Variants in RANBP3 observed in about 807,000 individuals in gnomAD.
RANBP3 encodes ran-binding protein 3.
Under a neutral mutation model 77.3 loss-of-function variants are expected in RANBP3, and 14 were observed. That is an observed-to-expected ratio of 0.18 (90% confidence interval 0.12 to 0.28). The LOEUF (loss-of-function observed/expected upper bound fraction) is 0.28, where lower values mean the gene tolerates loss of function less well. Ranked by LOEUF, RANBP3 falls within the 10% of genes least tolerant of loss-of-function variation. RANBP3 has a pLI of 1.00. For synonymous variants in RANBP3, 315 were observed against 312.4 expected (o/e 1.01, Z -0.09); for missense variants, 586 against 752.3 (o/e 0.78, Z 2.59).
At chr19:5,975,069 CT>C (rs1303100175) in intron 1 of RANBP3, among the ~76,000 whole-genome samples, 4 of 152,208 alleles carry the variant, frequency 2.6e-5, no homozygotes, top group African/African-American at 9.7e-5. Context: ...GGGGCAGCCC[CT>C]AAAGCTTCAA....
intron 1 of RANBP3, among the ~76,000 whole-genome samples, chr19:5,969,942 C>G (rs769634469): frequency 1.3e-5 from 2 of 152,240 alleles, no homozygotes; most frequent in Non-Finnish European, 2.9e-5. Flanking sequence ...GCCTTAAACT[C>G]TAGCTGGCAA....
At chr19:5,935,328 G>T (rs1175576429) in intron 5 of RANBP3, among the ~76,000 whole-genome samples, 6 of 152,146 alleles carry the variant, frequency 3.9e-5, no homozygotes, top group Admixed American at 2.6e-4. Flanking sequence ...TGCCTCTCCC[G>T]TAACAGACTG....
intron 14 of RANBP3, chr19:5,920,979 G>T (rs2057810415): frequency 2.4e-6 from 1 of 408,254 alleles, no homozygotes; most frequent in Non-Finnish European, 4.3e-6. Context: ...CACTAAGAGG[G>T]TCACGGACGA....
At chr19:5,929,187 C>G (rs2145069518) in intron 8 of RANBP3, among the ~76,000 whole-genome samples, 1 of 152,342 alleles carries the variant, frequency 6.6e-6, no homozygotes, top group Non-Finnish European at 1.5e-5. Flanking sequence ...CTCTACTGTG[C>G]TCCCTAGAAA....
At chr19:5,919,923 C>T (rs2057796109) in intron 14 of RANBP3, among the ~76,000 whole-genome samples, 1 of 149,886 alleles carries the variant, frequency 6.7e-6, no homozygotes, top group Non-Finnish European at 1.5e-5. Flanking sequence ...AAAAAGACGT[C>T]CATGGGGAAC....
intron 1 of RANBP3, among the ~76,000 whole-genome samples, chr19:5,975,539 G>A (rs574894423): frequency 1.5e-4 from 23 of 151,432 alleles, no homozygotes; most frequent in African/African-American, 3.4e-4. Flanking sequence ...AATATTTCCT[G>A]TGTACCTACT....
intron 8 of RANBP3, among the ~76,000 whole-genome samples, chr19:5,929,541 A>C (rs1439181405): frequency 6.6e-6 from 1 of 152,192 alleles, no homozygotes; most frequent in Non-Finnish European, 1.5e-5. Context: ...TAAACTGATA[A>C]ACGAATCCCG....
chr19:5,923,353 A>C, intron 12 of RANBP3, 50 bp from the exon 13 acceptor site: 1 of 1,554,484 alleles, frequency 6.4e-7, no homozygotes, highest in Non-Finnish European at 8.9e-7. Flanking sequence ...GCGAGAGGAG[A>C]GCCATCTCCC....
chr19:5,935,314 C>A (rs2058048926), intron 5 of RANBP3, among the ~76,000 whole-genome samples: 3 of 152,210 alleles, frequency 2.0e-5, no homozygotes, highest in Non-Finnish European at 4.4e-5. Flanking sequence ...GTTAGCAGAG[C>A]TGGTGCCTCT....
chr19:5,942,405 GT>G (rs1164370204), intron 3 of RANBP3, among the ~76,000 whole-genome samples: 1 of 152,162 alleles, frequency 6.6e-6, no homozygotes, highest in Non-Finnish European at 1.5e-5. Context: ...ACAAAGCCCA[GT>G]CACAGGCTGA....
rs953546308 is a variant in RANBP3 at position 5,918,626 on chromosome 19, T to C, written c.1343A>G (p.Gln448Arg). ...TLQSRLVMRT[Q>R]GSLRLILNTK... The stretch of plus-strand genomic sequence containing the variant: ...GTTGAGGATCAGTCGCAGGCTCCCC[T>C]GGGTCCGCATCACTACAACCAACAA... Residue 448 changes from glutamine (Q) to arginine (R), a missense_variant, in exon 15 of 17, where the codon CAG (glutamine) becomes CGG (arginine). Coordinates refer to ENST00000340578, the MANE Select transcript of RANBP3 (RefSeq NM_007322.3). 5.0e-6 allele frequency: 8 copies of C among 1,613,578 alleles called. No individual in the cohort carries two copies. The highest frequency in any genetic ancestry group is 1.3e-5 in the African/African-American group (1 of 74,864).
Position 5,925,329 on chromosome 19 carries a change from C to G in RANBP3, c.917+305G>C. On this transcript the variant is annotated intron_variant, in intron 10 of 16. Transcript: ENST00000340578. ...CGCCTCTGGCCTGCTCTGTTCTGCTCTGGGCATGAGGTCCACAAGACAGAG... is the reference window on the plus strand; with the variant it reads ...CGCCTCTGGCCTGCTCTGTTCTGCTGTGGGCATGAGGTCCACAAGACAGAG... The G allele has an allele frequency of 5.7e-6, 3 of 523,022 alleles. No individual in the cohort carries two copies. The East Asian group carries it at 1.0e-4, about 18-fold the overall frequency. The allele number at this position is 523,022 out of a possible 1,614,324, so 32.4% of individuals were successfully genotyped here.
intron 9 of RANBP3, among the ~76,000 whole-genome samples, chr19:5,926,723 C>A (rs1447401210): frequency 6.6e-6 from 1 of 152,152 alleles, no homozygotes; most frequent in Non-Finnish European, 1.5e-5. Flanking sequence ...GGCCTGAACT[C>A]CACAGGCCAA....
At chr19:5,939,241 G>T (rs1449599086) in intron 5 of RANBP3, among the ~76,000 whole-genome samples, 1 of 152,162 alleles carries the variant, frequency 6.6e-6, no homozygotes, top group Non-Finnish European at 1.5e-5. Context: ...TTTGAAAAAT[G>T]AGTGATACAT....
intron 1 of RANBP3, among the ~76,000 whole-genome samples, chr19:5,967,739 G>A (rs2058484561): frequency 6.6e-6 from 1 of 152,220 alleles, no homozygotes; most frequent in Non-Finnish European, 1.5e-5. Context: ...CTGTATGGAT[G>A]GCTGGGTTCA....
chr19:5,961,866 G>A (rs1375948613), intron 1 of RANBP3, among the ~76,000 whole-genome samples: 1 of 151,944 alleles, frequency 6.6e-6, no homozygotes, highest in Non-Finnish European at 1.5e-5. Flanking sequence ...TGAAAAGCCC[G>A]CTGTCGCTGC....
intron 3 of RANBP3, among the ~76,000 whole-genome samples, chr19:5,947,520 G>C (rs1179685693): frequency 6.6e-6 from 1 of 152,032 alleles, no homozygotes; most frequent in Non-Finnish European, 1.5e-5. Context: ...GGGAATGCTG[G>C]GTCAGCATCC....
At chr19:5,949,391 C>T (rs1384370703) in intron 3 of RANBP3, among the ~76,000 whole-genome samples, 1 of 152,168 alleles carries the variant, frequency 6.6e-6, no homozygotes. Flanking sequence ...TAACAGGAGC[C>T]CTTAGCAACC....
At chr19:5,951,661 C>G (rs543626434) in intron 2 of RANBP3, 65 bp from the exon 3 acceptor site, 11 of 1,461,648 alleles carry the variant, frequency 7.5e-6, no homozygotes, top group African/African-American at 1.4e-5. Context: ...GCAGGAAGGG[C>G]GGGCAGGGGT....
Sources: gnomAD v4.1 joint callset for allele counts (sites outside exome capture counted in the v4.1 genomes callset) on GRCh38, gnomAD v4.1.1 for gene constraint, MANE v1.5 for transcripts, NCBI Gene and HGNC (gene_info 2026-07-23, HGNC 2026-07-21) for gene names.